Variants in BAZ2B observed in about 807,000 individuals in gnomAD.
BAZ2B encodes bromodomain adjacent to zinc finger domain 2B, also known as bromodomain adjacent to zinc finger domain protein 2B.
Under a neutral mutation model 246.0 loss-of-function variants are expected in BAZ2B, and 91 were observed. The observed-to-expected ratio is 0.37, with a 90% confidence interval of 0.31 to 0.44. BAZ2B has a LOEUF of 0.44. Among genes scored for constraint, BAZ2B ranks in the 20% least tolerant of loss-of-function variants. BAZ2B has a pLI of 1.00. For synonymous variants in BAZ2B, 855 were observed against 860.0 expected (o/e 0.99, Z 0.10); for missense variants, 2,332 against 2,533.7 (o/e 0.92, Z 1.71).
chr2:159,479,889 T>C (rs1488337938), intron 2 of BAZ2B, among the ~76,000 whole-genome samples: 1 of 152,162 alleles, frequency 6.6e-6, no homozygotes, highest in East Asian at 1.9e-4. Context: ...CTAGTATTGC[T>C]GTAAATCACT....
At chr2:159,692,793 G>A in the BAZ2B span, among the ~76,000 whole-genome samples, 1 of 152,154 alleles carries the variant, frequency 6.6e-6, no homozygotes, top group African/African-American at 2.4e-5. Flanking sequence ...GTCATAATAT[G>A]TTATTTTATT....
the BAZ2B span, among the ~76,000 whole-genome samples, chr2:159,706,705 TA>T: frequency 6.6e-6 from 1 of 152,254 alleles, no homozygotes; most frequent in Non-Finnish European, 1.5e-5. Context: ...TCACAACTAC[TA>T]AACTGTTCTC....
Position 159,347,711 on chromosome 2 carries a change from C to T in BAZ2B, c.5294-65G>A. The T allele has an allele frequency of 3.0e-6, 4 of 1,342,554 alleles. 1 individual carries two copies. In the South Asian group the frequency reaches 4.0e-5, roughly 14 times the overall value. 83.2% of individuals were successfully genotyped at this position (1,342,554 alleles called of 1,614,324 possible). A position where few individuals can be genotyped will look rare whatever the true frequency, so the allele number is the denominator to read the frequency against. On this transcript the variant is annotated intron_variant, in intron 30 of 36. Transcript: ENST00000392783. ...AAGCTTTTCCCCACAGAGACCTCTT[C>T]CAGAAAGTGAATAAAATTCTAGGAG...
chr2:159,382,696 G>C lies in BAZ2B; in HGVS notation c.3868C>G (p.Arg1290Gly). 1 of 1,611,972 alleles carries C rather than the reference G, an allele frequency of 6.2e-7. No homozygotes were observed. The highest frequency in any genetic ancestry group is 8.5e-7 in the Non-Finnish European group (1 of 1,179,330). ...TCACTGTCTCCTCCCTTCCTTCTTC[G>C]CTTGCGTCCTGGAGTGGGTGTGCCC... Reference protein sequence around the residue: ...PLGTPTPGRKRRRKGGDSDYD... With the variant: ...PLGTPTPGRKGRRKGGDSDYD... Residue 1290 changes from arginine (R) to glycine (G), a missense_variant, in exon 25 of 37, where the codon CGA becomes GGA. By Grantham distance (125) the Arg-to-Gly change is moderately radical (BLOSUM62 -2). This residue lies in a region of BAZ2B where 328 missense variants were observed against 410.4 expected (regional missense o/e 0.80). Transcript: ENST00000392783.
rs569407720 is a variant in BAZ2B at position 159,364,447 on chromosome 2, C to T, written c.4213+8598G>A. ...TTGCTCTGTCCCCAAGGCTGAAGTG[C>T]TGTGATGCGATCGTGGCTCACTGCA... On this transcript the variant is annotated intron_variant, in intron 27 of 36. Transcript: ENST00000392783. 1.2e-3 allele frequency among the ~76,000 whole-genome samples: 180 copies of T among 152,218 alleles called. 1 individual carries two copies. Among genetic ancestry groups the T allele is most frequent in the African/African-American group, 4.2e-3 (173 of 41,530 alleles).
intron 31 of BAZ2B, among the ~76,000 whole-genome samples, chr2:159,344,859 T>C (rs899806534): frequency 2.6e-5 from 4 of 151,634 alleles, no homozygotes; most frequent in Admixed American, 2.6e-4. Flanking sequence ...CCAGAGGATA[T>C]ACTATAGGCT....
chr2:159,349,667 A>G (rs2058351897), intron 28 of BAZ2B, 41 bp downstream of exon 28: 2 of 1,535,306 alleles, frequency 1.3e-6, no homozygotes, highest in Admixed American at 1.9e-5. Flanking sequence ...CAAAGATTAC[A>G]TAAAGCAATA....
the BAZ2B span, among the ~76,000 whole-genome samples, chr2:159,682,269 T>C: frequency 6.9e-6 from 1 of 144,414 alleles, no homozygotes; most frequent in Non-Finnish European, 1.5e-5. Flanking sequence ...GTAGCCTCCA[T>C]CTCTGGGGTC....
the BAZ2B span, among the ~76,000 whole-genome samples, chr2:159,710,520 C>A: frequency 1.3e-5 from 2 of 152,152 alleles, no homozygotes; most frequent in East Asian, 3.8e-4. Flanking sequence ...AAAATGTCTG[C>A]AGCATAGCAA....
In BAZ2B at chr2:159,433,057, G is replaced by A. The variant is rs754981634; in HGVS notation, c.1600C>T (p.Pro534Ser). The part of the protein sequence containing the change: ...AAASSTPFSS[P>S]VNLSTSGRRT... Reference sequence around the variant, plus strand: ...CTCCCACTTGTACTCAGATTTACAGGTGAGGAAAAAGGGGTGCTACTTGCA... The same window carrying A: ...CTCCCACTTGTACTCAGATTTACAGATGAGGAAAAAGGGGTGCTACTTGCA... The change falls in exon 9 of 37, where the codon CCT (proline) becomes TCT (serine). Residue 534 changes from proline to serine, a missense_variant. By Grantham distance (74) the Pro-to-Ser change is moderately conservative. This residue lies in a region of BAZ2B where 651 missense variants were observed against 650.9 expected (regional missense o/e 1.00). Transcript: ENST00000392783. 6.2e-7 allele frequency: 1 copy of A among 1,614,152 alleles called. No individual in the cohort carries two copies. The highest frequency in any genetic ancestry group is 1.1e-5 in the South Asian group (1 of 91,078).
chr2:159,672,586 C>G, the BAZ2B span, among the ~76,000 whole-genome samples: 1 of 152,106 alleles, frequency 6.6e-6, no homozygotes, highest in African/African-American at 2.4e-5. Flanking sequence ...GAAGGTTTTT[C>G]CAGGTATGAG....
intron 1 of BAZ2B, among the ~76,000 whole-genome samples, chr2:159,613,295 G>A (rs1169055206): frequency 6.6e-6 from 1 of 151,912 alleles, no homozygotes. Flanking sequence ...AAGAGTAAAT[G>A]GTACTACAAT....
chr2:159,532,725 C>T (rs1444833548), intron 2 of BAZ2B, among the ~76,000 whole-genome samples: 1 of 152,136 alleles, frequency 6.6e-6, no homozygotes, highest in Non-Finnish European at 1.5e-5. Context: ...AGGTCTTTTT[C>T]TGCTCTGGCA....
At chr2:159,545,515 ATCTC>A (rs1407434423) in intron 2 of BAZ2B, among the ~76,000 whole-genome samples, 2 of 152,216 alleles carry the variant, frequency 1.3e-5, no homozygotes, top group Admixed American at 1.3e-4. Context: ...AATATATACT[ATCTC>A]TCTGTTTTCT....
At chr2:159,474,695 T>C (rs2078273043) in intron 3 of BAZ2B, among the ~76,000 whole-genome samples, 3 of 152,322 alleles carry the variant, frequency 2.0e-5, no homozygotes, top group South Asian at 4.1e-4. Flanking sequence ...TGGCTGGTAC[T>C]GGTTATTCTT....
intron 26 of BAZ2B, 22 bp from the exon 27 acceptor site, chr2:159,373,211 T>C (rs1349069698): frequency 6.3e-7 from 1 of 1,597,374 alleles, no homozygotes; most frequent in East Asian, 2.3e-5. Context: ...ATGGTACATA[T>C]AATTAGGTTT....
chr2:159,505,810 AGCAGGTATGTGTATAAG>A (rs1249019344), intron 2 of BAZ2B, among the ~76,000 whole-genome samples: 1 of 152,254 alleles, frequency 6.6e-6, no homozygotes, highest in Non-Finnish European at 1.5e-5. Flanking sequence ...TACAAGTAAC[AGCAGGTATGTGTATAAG>A]GCAGCTTCTA....
At position 159,320,221 on chromosome 2, in the gene BAZ2B, T is replaced by A. The variant is rs755172123; in HGVS notation, c.*44A>T. 16 of 1,460,872 alleles carry A rather than the reference T, an allele frequency of 1.1e-5. No individual in the cohort carries two copies. In the South Asian group the frequency reaches 2.4e-4, roughly 22 times the overall value. 90.5% of individuals were successfully genotyped at this position (1,460,872 alleles called of 1,614,324 possible). On this transcript the variant is annotated 3_prime_UTR_variant, in exon 37 of 37. Coordinates refer to ENST00000392783, the MANE Select transcript of BAZ2B (RefSeq NM_013450.4). Reference sequence around the variant, plus strand: ...ATACAGTTCACATTGCTGGTCTCATTTGTCCTTGTTTAGAAGGAAAAAAAT... The same window carrying A: ...ATACAGTTCACATTGCTGGTCTCATATGTCCTTGTTTAGAAGGAAAAAAAT...
At chr2:159,641,225 G>T in the BAZ2B span, among the ~76,000 whole-genome samples, 2 of 152,062 alleles carry the variant, frequency 1.3e-5, no homozygotes, top group East Asian at 1.9e-4. Flanking sequence ...AACCTCACCA[G>T]CATCTGTTAT....
Sources: allele counts gnomAD v4.1 joint callset (sites outside exome capture counted in the v4.1 genomes callset), GRCh38; gene constraint gnomAD v4.1.1; regional missense constraint gnomAD v4.1.1; transcripts MANE v1.5; gene names NCBI Gene and HGNC (gene_info 2026-07-23, HGNC 2026-07-21).